Variants in TRPC3 observed in about 807,000 individuals in gnomAD.
TRPC3 encodes the protein short transient receptor potential channel 3.
Under a neutral mutation model 90.9 loss-of-function variants are expected in TRPC3, and 54 were observed. That is an observed-to-expected ratio of 0.59 (90% CI 0.48 to 0.75). The LOEUF (loss-of-function observed/expected upper bound fraction) is 0.75, where lower values mean the gene tolerates loss of function less well. TRPC3 is among the 30% of genes least tolerant of loss of function. The pLI, the probability that TRPC3 is intolerant of heterozygous loss-of-function variation, is 0.00. For synonymous variants in TRPC3, 424 were observed against 450.9 expected, an observed-to-expected ratio of 0.94 and a Z score of 0.75; for missense variants, 918 against 1,194.5, an observed-to-expected ratio of 0.77 and a Z score of 3.41.
intron 4 of TRPC3, among the ~76,000 whole-genome samples, chr4:121,912,450 T>C (rs1046298269): frequency 6.6e-6 from 1 of 152,188 alleles, no homozygotes; most frequent in Non-Finnish European, 1.5e-5. Flanking sequence ...ATTTCAACTT[T>C]GTATTGTGTA....
rs539950820 is a variant in TRPC3, at chr4:121,888,303, C to T, written c.2548-5874G>A. 9.2e-5 allele frequency among the ~76,000 whole-genome samples: 14 copies of T among 152,228 alleles called. 2 individuals carry two copies. The South Asian group carries it at 2.9e-3, about 32-fold the overall frequency. On this transcript the variant is annotated intron_variant, in intron 10 of 11. Transcript: ENST00000379645. Reference sequence around the variant, plus strand: ...GTGATGACCCTATTGGTGATGGCTACATGTTTGTTGAAGTTGGATGTGATC... The same window carrying T: ...GTGATGACCCTATTGGTGATGGCTATATGTTTGTTGAAGTTGGATGTGATC...
intron 10 of TRPC3, among the ~76,000 whole-genome samples, chr4:121,884,092 A>G (rs1728030327): frequency 6.6e-6 from 1 of 152,322 alleles, no homozygotes; most frequent in African/African-American, 2.4e-5. Flanking sequence ...TGTGTTCATT[A>G]ATGAAATTAA....
chr4:121,904,535 T>C lies in TRPC3; in HGVS notation c.2058-18A>G, dbSNP rs1391657000. 7.9e-6 allele frequency: 12 copies of C among 1,512,786 alleles called. No individual in the cohort carries two copies. The highest frequency in any genetic ancestry group is 1.4e-5 in the African/African-American group (1 of 71,000). 93.7% of individuals were successfully genotyped at this position (1,512,786 alleles called of 1,614,324 possible). A position where few individuals can be genotyped will look rare whatever the true frequency, so the allele number is the denominator to read the frequency against. ...CTTCTACACTGTTGAAAAAATAAGA[T>C]ACAAAGTAAGTAAGTTAACAGTTTT... is the stretch of plus-strand genomic sequence containing the variant. On this transcript the variant is annotated intron_variant, in intron 7 of 11. Transcript: ENST00000379645.
intron 11 of TRPC3, among the ~76,000 whole-genome samples, chr4:121,881,638 A>ATT (rs981420384): frequency 3.3e-5 from 5 of 152,196 alleles, no homozygotes; most frequent in African/African-American, 1.2e-4. Context: ...AATTTTATTA[A>ATT]GTTTAGTCCT....
intron 1 of TRPC3, among the ~76,000 whole-genome samples, chr4:121,946,017 C>A (rs1274948716): frequency 2.6e-5 from 4 of 151,662 alleles, no homozygotes; most frequent in Non-Finnish European, 1.5e-5. Context: ...GAGATAGAGA[C>A]AAGGAAATAG....
chr4:121,904,364 G>A lies in TRPC3; in HGVS notation c.2211C>T (p.Asn737=), dbSNP rs1728811381. Residue 737 remains asparagine, a synonymous_variant, in exon 8 of 12, where the codon AAC becomes AAT. Coordinates refer to ENST00000379645, the MANE Select transcript of TRPC3 (RefSeq NM_001130698.2). ...YNVTMVVVLL[N]MLIAMINSSY... ...AGCTATTAATCATAGCAATTAGCAT[G>A]TTGAGTAAAACGACCACCATAGTTA... The A allele has an allele frequency of 6.3e-7, 1 of 1,597,754 alleles. No individual in the cohort carries two copies. The highest frequency in any genetic ancestry group is 8.5e-7 in the Non-Finnish European group (1 of 1,176,106).
Position 121,911,956 on chromosome 4 carries a change from A to G in TRPC3, c.1479T>C (p.Thr493=). 1 of 1,613,960 alleles carries G rather than the reference A, an allele frequency of 6.2e-7. No homozygotes were observed. The highest frequency in any genetic ancestry group is 2.2e-5 in the East Asian group (1 of 44,876). Residue 493 remains threonine, a synonymous_variant, in exon 5 of 12, where the codon ACT becomes ACC. Coordinates refer to ENST00000379645, the MANE Select transcript of TRPC3 (RefSeq NM_001130698.2). ...GITTLPNITV[T]DYPKQIFRVK... ...CCCTGAAGATCTGTTTGGGATAGTCAGTAACTGTGATATTGGGCAGCGTGG... is the reference window on the plus strand; with the variant it reads ...CCCTGAAGATCTGTTTGGGATAGTCGGTAACTGTGATATTGGGCAGCGTGG...
Position 121,932,971 on chromosome 4 carries a change from C to T in TRPC3, c.287G>A (p.Arg96Lys), listed in dbSNP as rs759565634. 33 of 1,612,054 alleles carry T rather than the reference C, an allele frequency of 2.0e-5. No homozygotes were observed. The highest frequency in any genetic ancestry group is 2.6e-5 in the Non-Finnish European group (31 of 1,178,928). The change falls in exon 2 of 12, where the codon AGG (arginine) becomes AAG (lysine). Residue 96 changes from arginine (R) to lysine (K), a missense_variant. Around this residue, in one of 4 missense-constraint regions of TRPC3, gnomAD observed 609 missense variants for 725.9 expected, o/e 0.84. Transcript: ENST00000379645. This position sits in a 1 kb window ranked among gnomAD's most constrained non-coding sequence, Gnocchi z 7.7. ...MREKGRRQAV[R>K]GPAFMFNDRG... ...GTCATTGAACATGAAGGCCGGGCCC[C>T]TGACAGCCTGGCGCCGGCCCTTCTC...
At chr4:121,882,254 A>G (rs1339421687) in intron 11 of TRPC3, 100 bp downstream of exon 11, 7 of 1,041,616 alleles carry the variant, frequency 6.7e-6, no homozygotes, top group African/African-American at 1.6e-5. Context: ...CATCCAAACT[A>G]TAACCTGGGA....
At position 121,876,840 on chromosome 4, in the gene TRPC3, T is replaced by C. The variant is rs1727775205; in HGVS notation, c.*2896A>G. 6.6e-6 allele frequency among the ~76,000 whole-genome samples: 1 copy of C among 152,182 alleles called. No individual in the cohort carries two copies. The highest frequency in any genetic ancestry group is 1.5e-5 in the Non-Finnish European group (1 of 68,030). On this transcript the variant is annotated 3_prime_UTR_variant, in exon 12 of 12. Coordinates refer to ENST00000379645, the MANE Select transcript of TRPC3 (RefSeq NM_001130698.2). ...TACCCAACTTTTCGAACAATAAGTC[T>C]AAGAAGCACTTTGAGTGTTGCTTTC...
chr4:121,888,079 C>G (rs1728192719), intron 10 of TRPC3, among the ~76,000 whole-genome samples: 1 of 151,968 alleles, frequency 6.6e-6, no homozygotes, highest in Non-Finnish European at 1.5e-5. Context: ...ATTGCAGCCT[C>G]AAACTCCTGG....
Position 121,879,852 on chromosome 4 carries a change from T to C in TRPC3, c.2650A>G (p.Ile884Val). ...AAAAGTTCATAACGAAGGCTGGAGA[T>C]ATCTTGCTTGATTTCTTTTAATTCA... ...EGELKEIKQD[I>V]SSLRYELLED... The change falls in exon 12 of 12, where the codon ATC (isoleucine) becomes GTC (valine). Residue 884 changes from isoleucine (I) to valine (V), a missense_variant. Around this residue, in one of 4 missense-constraint regions of TRPC3, gnomAD observed 41 missense variants for 69.4 expected, o/e 0.59. Coordinates refer to ENST00000379645, the MANE Select transcript of TRPC3 (RefSeq NM_001130698.2). 1.3e-6 allele frequency: 2 copies of C among 1,595,724 alleles called. No individual in the cohort carries two copies. The highest frequency in any genetic ancestry group is 1.7e-6 in the Non-Finnish European group (2 of 1,174,752).
At position 121,932,998 on chromosome 4, in the gene TRPC3, C is replaced by T. The variant is rs1187308292; in HGVS notation, c.260G>A (p.Arg87Gln). 1.2e-6 allele frequency: 2 copies of T among 1,606,596 alleles called. No individual in the cohort carries two copies. Among genetic ancestry groups the T allele is most frequent in the South Asian group, 1.1e-5 (1 of 90,030 alleles). Residue 87 changes from arginine to glutamine, a missense_variant, in exon 2 of 12, where the codon CGG becomes CAG. This residue lies in a region of TRPC3 where 609 missense variants were observed against 725.9 expected (regional missense o/e 0.84). Coordinates refer to ENST00000379645, the MANE Select transcript of TRPC3 (RefSeq NM_001130698.2). This position sits in a 1 kb window ranked among gnomAD's most constrained non-coding sequence, Gnocchi z 7.7. ...SPSLRRMTVM[R>Q]EKGRRQAVRG... ...GACAGCCTGGCGCCGGCCCTTCTCC[C>T]GCATCACTGTCATGCGTCTCAGGGA...
intron 1 of TRPC3, among the ~76,000 whole-genome samples, chr4:121,949,482 C>T (rs1730607136): frequency 6.6e-6 from 1 of 152,062 alleles, no homozygotes; most frequent in South Asian, 2.1e-4. Context: ...TCTCGGAGTC[C>T]ATCCTAGGGC....
intron 1 of TRPC3, among the ~76,000 whole-genome samples, chr4:121,937,628 T>A (rs1730174565): frequency 6.6e-6 from 1 of 152,218 alleles, no homozygotes; most frequent in Non-Finnish European, 1.5e-5. Context: ...TTAAAGAGAT[T>A]GTTCACCATA....
Position 121,911,970 on chromosome 4 carries a change from T to G in TRPC3, c.1465A>C (p.Asn489His). The G allele has an allele frequency of 6.2e-7, 1 of 1,613,954 alleles. No individual in the cohort carries two copies. Among genetic ancestry groups the G allele is most frequent in the Non-Finnish European group, 8.5e-7 (1 of 1,179,870 alleles). The change falls in exon 5 of 12, where the codon AAT (asparagine) becomes CAT (histidine). Residue 489 changes from asparagine to histidine, a missense_variant. Around this residue, in one of 4 missense-constraint regions of TRPC3, gnomAD observed 609 missense variants for 725.9 expected, o/e 0.84. Coordinates refer to ENST00000379645, the MANE Select transcript of TRPC3 (RefSeq NM_001130698.2). The stretch of plus-strand genomic sequence containing the variant: ...TTGGGATAGTCAGTAACTGTGATAT[T>G]GGGCAGCGTGGTGATGCCTTCGAAC... The part of the protein sequence containing the change: ...DRFEGITTLP[N>H]ITVTDYPKQI...
In TRPC3 at chr4:121,878,636, T is replaced by A. The variant is rs188121588; in HGVS notation, c.*1100A>T. Among the ~76,000 whole-genome samples, 2 of 152,324 alleles carry A rather than the reference T, an allele frequency of 1.3e-5. No individual in the cohort carries two copies. Among genetic ancestry groups the A allele is most frequent in the South Asian group, 4.1e-4 (2 of 4,830 alleles). On this transcript the variant is annotated 3_prime_UTR_variant, in exon 12 of 12. Coordinates refer to ENST00000379645, the MANE Select transcript of TRPC3 (RefSeq NM_001130698.2). ...CAGCACAATTATGTAATAAGGCATA[T>A]GTAGATATATCACAATATATTTTAT... is the stretch of plus-strand genomic sequence containing the variant.
chr4:121,892,612 T>C (rs1237231874), intron 10 of TRPC3, among the ~76,000 whole-genome samples: 3 of 152,200 alleles, frequency 2.0e-5, no homozygotes, highest in Non-Finnish European at 4.4e-5. Context: ...AAGGTTTGTA[T>C]GTGGTGGTTT....
In TRPC3 at chr4:121,903,061, C is replaced by A; in HGVS notation, c.2254G>T (p.Asp752Tyr). ...MINSSYQEIEDDSDVEWKFAR... is the reference protein window; with the variant it reads ...MINSSYQEIEYDSDVEWKFAR... ...AACTTCCATTCTACATCACTGTCATCCTGTGTCACAAAAATAGAAAAAAAA... is the reference window on the plus strand; with the variant it reads ...AACTTCCATTCTACATCACTGTCATACTGTGTCACAAAAATAGAAAAAAAA... The change falls in exon 9 of 12, where the codon GAT becomes TAT. Residue 752 changes from aspartate (D) to tyrosine (Y), a missense_variant and splice_region_variant. Asp to Tyr is a radical substitution (Grantham distance 160, BLOSUM62 -3). Around this residue, in one of 4 missense-constraint regions of TRPC3, gnomAD observed 121 missense variants for 135.7 expected, o/e 0.89. Transcript: ENST00000379645. The A allele has an allele frequency of 6.3e-7, 1 of 1,591,742 alleles. No individual in the cohort carries two copies. The highest frequency in any genetic ancestry group is 1.4e-5 in the African/African-American group (1 of 73,732).
Sources: allele counts gnomAD v4.1 joint callset (sites outside exome capture counted in the v4.1 genomes callset), GRCh38; gene constraint gnomAD v4.1.1; regional missense constraint gnomAD v4.1.1; non-coding constraint Gnocchi (gnomAD v3.1); transcripts MANE v1.5; gene names NCBI Gene and HGNC (gene_info 2026-07-23, HGNC 2026-07-21).